Variants in RORA observed in about 807,000 individuals in gnomAD.
RORA encodes nuclear receptor ROR-alpha.
RORA carries 7 observed loss-of-function variants against 69.5 expected under a neutral mutation model. That is an observed-to-expected ratio of 0.10 (90% CI 0.06 to 0.19). RORA has a LOEUF of 0.19. RORA is among the 10% of genes least tolerant of loss of function. The pLI is 1.00. For synonymous variants in RORA, 261 were observed against 240.8 expected, an observed-to-expected ratio of 1.08 and a Z score of -0.78; for missense variants, 457 against 663.0, an observed-to-expected ratio of 0.69 and a Z score of 3.41.
intron 1 of RORA, among the ~76,000 whole-genome samples, chr15:61,053,848 G>GATATATATATATATATATATAT (rs3053963): frequency 0.019 from 1,736 of 90,784 alleles, 228 homozygotes; most frequent in African/African-American, 0.065. Context: ...TAGACTTCAT[G>GATATATATATATATATATATAT]ATATATATAT....
intron 1 of RORA, among the ~76,000 whole-genome samples, chr15:61,183,735 A>G (rs1380296711): frequency 6.6e-6 from 1 of 152,174 alleles, no homozygotes; most frequent in African/African-American, 2.4e-5. Flanking sequence ...TTTTAATGAC[A>G]AAGACCAGGG....
At chr15:61,022,084 G>A (rs1280762999) in intron 1 of RORA, among the ~76,000 whole-genome samples, 3 of 152,188 alleles carry the variant, frequency 2.0e-5, no homozygotes, top group Non-Finnish European at 4.4e-5. Context: ...AGTGGGAAAG[G>A]TGAAGGCTCT....
chr15:60,620,995 C>G (rs910050477), intron 2 of RORA, among the ~76,000 whole-genome samples: 1 of 152,216 alleles, frequency 6.6e-6, no homozygotes. Context: ...TTCAGGGAGT[C>G]TAGTCTATAC....
chr15:60,801,806 G>A (rs2072585718), intron 1 of RORA, among the ~76,000 whole-genome samples: 2 of 152,334 alleles, frequency 1.3e-5, no homozygotes, highest in South Asian at 4.1e-4. Flanking sequence ...AAGCAGGCTT[G>A]TGTGGAATAA....
chr15:60,570,088 A>G (rs1176082904), intron 2 of RORA, among the ~76,000 whole-genome samples: 1 of 152,202 alleles, frequency 6.6e-6, no homozygotes, highest in Non-Finnish European at 1.5e-5. Context: ...GACAGATCCA[A>G]CAATCCCCCT....
chr15:61,189,233 T>G (rs1350077828), intron 1 of RORA, among the ~76,000 whole-genome samples: 1 of 152,208 alleles, frequency 6.6e-6, no homozygotes, highest in Non-Finnish European at 1.5e-5. Context: ...ATGATAGACA[T>G]TATAAAAGAT....
intron 1 of RORA, among the ~76,000 whole-genome samples, chr15:60,819,606 A>G (rs1388639445): frequency 1.3e-5 from 2 of 152,058 alleles, no homozygotes; most frequent in Non-Finnish European, 2.9e-5. Flanking sequence ...CGCCCTTCGG[A>G]GGCTGGGGCT....
chr15:60,571,883 TTC>T (rs1329605432), intron 2 of RORA, among the ~76,000 whole-genome samples: 2 of 152,226 alleles, frequency 1.3e-5, no homozygotes, highest in African/African-American at 4.8e-5. Flanking sequence ...CTCACTGCAT[TTC>T]TGTTACCTCA....
chr15:60,621,305 A>G (rs775166380), intron 2 of RORA, among the ~76,000 whole-genome samples: 1 of 152,048 alleles, frequency 6.6e-6, no homozygotes, highest in Non-Finnish European at 1.5e-5. Context: ...AACATCTCCT[A>G]AGCATCAATT....
intron 1 of RORA, among the ~76,000 whole-genome samples, chr15:60,968,218 C>T (rs1380740666): frequency 6.6e-6 from 1 of 152,064 alleles, no homozygotes; most frequent in Non-Finnish European, 1.5e-5. Context: ...TTGAGGGAGC[C>T]CCAGGACTGG....
rs564442031 is a variant in RORA, at chr15:60,755,389, G to A, written c.167-76703C>T. ...TTTCTTAATCCAGTCTATCATTGTC[G>A]GACATTTGGGTTGGTTCCAAGTCTT... is the stretch of plus-strand genomic sequence containing the variant. On this transcript the variant is annotated intron_variant, in intron 1 of 10. Coordinates refer to ENST00000335670, the MANE Select transcript of RORA (RefSeq NM_134261.3). 1.3e-3 allele frequency among the ~76,000 whole-genome samples: 193 copies of A among 151,936 alleles called. 2 individuals carry two copies. Among genetic ancestry groups the A allele is most frequent in the Admixed American group, 4.5e-3 (68 of 15,254 alleles).
At chr15:60,966,309 T>C (rs932767430) in intron 1 of RORA, among the ~76,000 whole-genome samples, 1 of 152,208 alleles carries the variant, frequency 6.6e-6, no homozygotes, top group Non-Finnish European at 1.5e-5. Context: ...CTTCAACATA[T>C]GAATTTTGTG....
intron 1 of RORA, among the ~76,000 whole-genome samples, chr15:61,205,388 C>T (rs10744960): frequency 0.96 from 145,705 of 152,282 alleles, 70,026 homozygotes; most frequent in East Asian, 1. Context: ...TTCGTATTCA[C>T]AGTACACAGC....
intron 1 of RORA, among the ~76,000 whole-genome samples, chr15:61,139,565 A>C (rs553633888): frequency 6.6e-6 from 1 of 152,358 alleles, no homozygotes; most frequent in South Asian, 2.1e-4. Context: ...GAGGCCACCT[A>C]AACTGGCAGT....
intron 2 of RORA, among the ~76,000 whole-genome samples, chr15:60,551,966 G>A (rs1055611506): frequency 6.6e-6 from 1 of 152,188 alleles, no homozygotes; most frequent in African/African-American, 2.4e-5. Context: ...AGAGTGAGCC[G>A]AGGCTCTTTT....
Position 60,622,815 on chromosome 15 carries a change from A to C in RORA, c.196+55842T>G, listed in dbSNP as rs981323430. On this transcript the variant is annotated intron_variant, in intron 2 of 10. Coordinates refer to ENST00000335670, the MANE Select transcript of RORA (RefSeq NM_134261.3). ...ACGGCCACCTCCACCTCCTGGGCTC[A>C]GGTGATTCTTCCATCTCAGCCACCT... Among the ~76,000 whole-genome samples, 2 of 152,124 alleles carry C rather than the reference A, an allele frequency of 1.3e-5. 1 individual carries two copies. The highest frequency in any genetic ancestry group is 2.9e-5 in the Non-Finnish European group (2 of 68,010).
Position 60,693,102 on chromosome 15 carries a change from A to G in RORA, c.167-14416T>C, listed in dbSNP as rs1596131758. Among the ~76,000 whole-genome samples, 4 of 152,206 alleles carry G rather than the reference A, an allele frequency of 2.6e-5. No homozygotes were observed. In the South Asian group the frequency reaches 6.2e-4, roughly 24 times the overall value. The stretch of plus-strand genomic sequence containing the variant: ...CAGCACATCAAAAAACAAATCCACC[A>G]TGATCAAATTGGCTTCATCCCCGGG... On this transcript the variant is annotated intron_variant, in intron 1 of 10. Transcript: ENST00000335670.
chr15:60,765,118 T>C (rs1419709740), intron 1 of RORA: 1 of 152,094 alleles, frequency 6.6e-6, no homozygotes, highest in East Asian at 1.9e-4. Flanking sequence ...TGTCTTTATA[T>C]TGGGAATATC....
intron 1 of RORA, among the ~76,000 whole-genome samples, chr15:60,946,740 T>C (rs1011467301): frequency 2.3e-4 from 34 of 151,070 alleles, no homozygotes; most frequent in African/African-American, 8.3e-4. Flanking sequence ...TCGTCTGGGA[T>C]GTGAGGAGCC....
Sources: allele counts gnomAD v4.1 joint callset (sites outside exome capture counted in the v4.1 genomes callset), GRCh38; gene constraint gnomAD v4.1.1; transcripts MANE v1.5; gene names NCBI Gene and HGNC (gene_info 2026-07-23, HGNC 2026-07-21).